GREB1L: variants seen among roughly 807,000 people sequenced by gnomAD.
The protein encoded by GREB1L is GREB1-like protein.
A neutral mutation model predicts 200.8 loss-of-function variants in GREB1L; 17 were observed. The ratio of observed to expected loss-of-function variants is 0.08; its 90% CI spans 0.06 to 0.13. The LOEUF (loss-of-function observed/expected upper bound fraction) is 0.13, where lower values mean the gene tolerates loss of function less well. Ranked by LOEUF, GREB1L falls within the 10% of genes least tolerant of loss-of-function variation. GREB1L has a pLI of 1.00. For synonymous variants in GREB1L, 789 were observed against 893.0 expected (o/e 0.88, Z 2.08); for missense variants, 1,657 against 2,367.7 (o/e 0.70, Z 6.23).
intron 1 of GREB1L, among the ~76,000 whole-genome samples, chr18:21,252,072 C>T (rs2037715575): frequency 6.6e-6 from 1 of 151,920 alleles, no homozygotes; most frequent in African/African-American, 2.4e-5. Flanking sequence ...ATTCACAGAA[C>T]CACTATTCCA....
intron 15 of GREB1L, among the ~76,000 whole-genome samples, chr18:21,458,834 A>G (rs1274196244): frequency 1.3e-5 from 2 of 152,202 alleles, no homozygotes; most frequent in Admixed American, 1.3e-4. Context: ...ATTTTATTTT[A>G]GTGTCCTTTT....
At chr18:21,426,883 C>T (rs1436200843) in intron 7 of GREB1L, among the ~76,000 whole-genome samples, 2 of 144,560 alleles carry the variant, frequency 1.4e-5, no homozygotes, top group South Asian at 2.2e-4. Context: ...GGCGTGAACC[C>T]GGGAGGCAGA....
chr18:21,364,833 T>C (rs1484440835), intron 1 of GREB1L, among the ~76,000 whole-genome samples: 1 of 146,200 alleles, frequency 6.8e-6, no homozygotes, highest in African/African-American at 2.7e-5. Context: ...ATTAGATTAC[T>C]GACTTTTTTT....
chr18:21,277,829 T>C (rs1436701017), intron 1 of GREB1L, among the ~76,000 whole-genome samples: 1 of 152,226 alleles, frequency 6.6e-6, no homozygotes, highest in Admixed American at 6.5e-5. Context: ...TTTGAGCTTC[T>C]TGAGGGCAGG....
intron 27 of GREB1L, among the ~76,000 whole-genome samples, chr18:21,508,919 TAACCATG>T (rs2037128889): frequency 6.6e-6 from 1 of 152,116 alleles, no homozygotes; most frequent in South Asian, 2.1e-4. Context: ...GGAAGGAATG[TAACCATG>T]AGAAAAAAGA....
At chr18:21,442,892 A>G (rs11874169) in intron 10 of GREB1L, among the ~76,000 whole-genome samples, 49,786 of 151,452 alleles carry the variant, frequency 0.33, 11,223 homozygotes, top group African/African-American at 0.61. Flanking sequence ...ATGTATTGTC[A>G]TTTGTTTCTG....
At chr18:21,272,166 C>G (rs1380363453) in intron 1 of GREB1L, among the ~76,000 whole-genome samples, 1 of 152,210 alleles carries the variant, frequency 6.6e-6, no homozygotes, top group Non-Finnish European at 1.5e-5. Flanking sequence ...ATGCTGTAGT[C>G]TGACACGGTG....
chr18:21,462,336 ATCACTTC>A (rs1409305960), intron 15 of GREB1L, among the ~76,000 whole-genome samples: 1 of 152,268 alleles, frequency 6.6e-6, no homozygotes, highest in African/African-American at 2.4e-5. Flanking sequence ...GCCATTGCTC[ATCACTTC>A]TGACATTTTC....
chr18:21,366,562 G>T (rs2039686138), intron 2 of GREB1L, among the ~76,000 whole-genome samples: 1 of 150,696 alleles, frequency 6.6e-6, no homozygotes, highest in Non-Finnish European at 1.5e-5. Flanking sequence ...TTTTATAAAA[G>T]TTTTTTTTTC....
chr18:21,259,147 A>ATG (rs1161357246), intron 1 of GREB1L, among the ~76,000 whole-genome samples: 1 of 152,188 alleles, frequency 6.6e-6, no homozygotes, highest in African/African-American at 2.4e-5. Flanking sequence ...CAGACACCAT[A>ATG]ATTCTATCCT....
intron 8 of GREB1L, among the ~76,000 whole-genome samples, 181 bp from the exon 9 acceptor site, chr18:21,440,088 A>C (rs2033811172): frequency 6.6e-6 from 1 of 152,224 alleles, no homozygotes; most frequent in Non-Finnish European, 1.5e-5. Context: ...CTGTTATTGT[A>C]ATGTTAGGTT....
At chr18:21,288,230 CT>C (rs1376607153) in intron 1 of GREB1L, among the ~76,000 whole-genome samples, 3 of 151,836 alleles carry the variant, frequency 2.0e-5, no homozygotes, top group Admixed American at 6.6e-5. Flanking sequence ...GCCCCAAAAG[CT>C]TTTTTTCCCA....
At chr18:21,264,178 T>C (rs1234197815) in intron 1 of GREB1L, among the ~76,000 whole-genome samples, 1 of 152,136 alleles carries the variant, frequency 6.6e-6, no homozygotes, top group East Asian at 1.9e-4. Context: ...AAAAGCTTAA[T>C]TGTTAGTTCC....
Position 21,516,658 on chromosome 18 carries a change from T to A in GREB1L, c.5175T>A (p.Ser1725Arg). 6.4e-7 allele frequency: 1 copy of A among 1,551,498 alleles called. No individual in the cohort carries two copies. Among genetic ancestry groups the A allele is most frequent in the Non-Finnish European group, 8.7e-7 (1 of 1,146,794 alleles). The change falls in exon 30 of 33, where the codon AGT becomes AGA. Residue 1725 changes from serine to arginine, a missense_variant. Transcript: ENST00000424526. ...ACTTTAATCTGAGAACAAACAGTAG[T>A]GGCCTGCTCATCTGCCGCTTTAATA... ...DADFNLRTNS[S>R]GLLICRFNNF...
intron 23 of GREB1L, among the ~76,000 whole-genome samples, chr18:21,503,540 G>T (rs147673787): frequency 1.3e-5 from 2 of 150,306 alleles, no homozygotes; most frequent in African/African-American, 4.9e-5. Flanking sequence ...CACCAGCTGC[G>T]TGCCTGCAAC....
At chr18:21,395,628 C>A in intron 5 of GREB1L, 67 bp downstream of exon 5, 1 of 1,170,866 alleles carries the variant, frequency 8.5e-7, no homozygotes, top group Non-Finnish European at 1.2e-6. Context: ...TTATTTAAAA[C>A]TACTGCAGAA....
At chr18:21,504,733 G>A (rs957670099) in intron 23 of GREB1L, among the ~76,000 whole-genome samples, 2 of 152,180 alleles carry the variant, frequency 1.3e-5, no homozygotes, top group African/African-American at 2.4e-5. Context: ...GGAGGCTGAG[G>A]TGGGAGGATC....
intron 1 of GREB1L, among the ~76,000 whole-genome samples, chr18:21,330,084 T>C (rs906446593): frequency 1.3e-5 from 2 of 151,984 alleles, no homozygotes; most frequent in African/African-American, 2.4e-5. Flanking sequence ...CCAGTTCTTA[T>C]AGAACATGTG....
At chr18:21,349,139 A>T (rs2039397061) in intron 1 of GREB1L, among the ~76,000 whole-genome samples, 1 of 151,646 alleles carries the variant, frequency 6.6e-6, no homozygotes, top group African/African-American at 2.4e-5. Flanking sequence ...CTCTTCCTAG[A>T]CTCCTGCAGA....
Sources: gnomAD v4.1 joint callset for allele counts (sites outside exome capture counted in the v4.1 genomes callset) on GRCh38, gnomAD v4.1.1 for gene constraint, MANE v1.5 for transcripts, NCBI Gene and HGNC (gene_info 2026-07-23, HGNC 2026-07-21) for gene names.